Variants in FHAD1 observed in about 807,000 individuals in gnomAD.
FHAD1 encodes the protein forkhead-associated domain-containing protein 1.
In FHAD1, 146 loss-of-function variants were observed where a neutral mutation model predicts 191.3. That is an observed-to-expected ratio of 0.76 (90% CI 0.67 to 0.88). FHAD1 has a LOEUF of 0.88. Ranked by LOEUF, FHAD1 falls within the 40% of genes least tolerant of loss-of-function variation. The pLI, the probability that FHAD1 is intolerant of heterozygous loss-of-function variation, is 0.00. For missense variants in FHAD1, 1,635 were observed against 1,785.8 expected (o/e 0.92, Z 1.52); for synonymous variants, 616 against 672.3 (o/e 0.92, Z 1.29).
intron 26 of FHAD1, among the ~76,000 whole-genome samples, chr1:15,370,573 G>A (rs138407354): frequency 2.6e-5 from 4 of 152,280 alleles, no homozygotes; most frequent in East Asian, 3.9e-4. Context: ...GAAGAGCCAC[G>A]TAGTGAGTGC....
downstream of FHAD1, among the ~76,000 whole-genome samples, chr1:15,402,223 A>G (rs1389560834): frequency 1.3e-5 from 2 of 152,212 alleles, no homozygotes; most frequent in South Asian, 4.1e-4. Context: ...GTTAGACCTC[A>G]TGGCCTTGAC....
chr1:15,354,397 A>T (rs1691988266), intron 20 of FHAD1, among the ~76,000 whole-genome samples: 1 of 152,222 alleles, frequency 6.6e-6, no homozygotes, highest in South Asian at 2.1e-4. Flanking sequence ...GGCCTTGAGT[A>T]ACTGGCATGT....
At chr1:15,389,447 CAAAA>C (rs570569622) in intron 32 of FHAD1, among the ~76,000 whole-genome samples, 30 of 54,228 alleles carry the variant, frequency 5.5e-4, no homozygotes, top group Non-Finnish European at 7.9e-4. Flanking sequence ...GAACCTGTCT[CAAAA>C]AAAAAAAAAA....
chr1:15,290,556 T>C (rs1375142264), intron 4 of FHAD1, among the ~76,000 whole-genome samples: 1 of 152,172 alleles, frequency 6.6e-6, no homozygotes, highest in Non-Finnish European at 1.5e-5. Flanking sequence ...TACTGTGACA[T>C]ACGCAAGCTG....
chr1:15,313,080 G>T lies in FHAD1; in HGVS notation c.1063G>T (p.Asp355Tyr). The stretch of plus-strand genomic sequence containing the variant: ...AGGGATGGTGTCATCTTTGCAAAAA[G>T]ACATATTAGCAAAGGATGAGCAAGT... ...TSGMVSSLQK[D>Y]ILAKDEQVQQ... is the part of the protein sequence containing the mutation. The change falls in exon 8 of 34, where the codon GAC (aspartate) becomes TAC (tyrosine). Residue 355 changes from aspartate (D) to tyrosine (Y), a missense_variant. Asp to Tyr is a radical substitution (Grantham distance 160). Coordinates refer to ENST00000688493, the MANE Select transcript of FHAD1 (RefSeq NM_001391957.1). The T allele has an allele frequency of 6.4e-7, 1 of 1,551,740 alleles. No individual in the cohort carries two copies. Among genetic ancestry groups the T allele is most frequent in the Non-Finnish European group, 8.7e-7 (1 of 1,146,996 alleles).
chr1:15,374,692 T>C, intron 27 of FHAD1, 61 bp downstream of exon 27: 1 of 1,535,858 alleles, frequency 6.5e-7, no homozygotes, highest in Non-Finnish European at 8.8e-7. Flanking sequence ...CTTTGGGGAC[T>C]GACCAGTTTG....
At chr1:15,395,411 T>C (rs1305043403) in intron 33 of FHAD1, among the ~76,000 whole-genome samples, 1 of 152,132 alleles carries the variant, frequency 6.6e-6, no homozygotes, top group African/African-American at 2.4e-5. Flanking sequence ...TCCATGTCAT[T>C]TCTGCCCCTC....
chr1:15,349,068 A>G lies in FHAD1; in HGVS notation c.2373A>G (p.Glu791=). ...TTTTGGAGAGCAGCATAGCCCATGAAAAAAGAAAAGCAAAGGAAGCCTTGG... is the reference window on the plus strand; with the variant it reads ...TTTTGGAGAGCAGCATAGCCCATGAGAAAAGAAAAGCAAAGGAAGCCTTGG... ...KEVLESSIAH[E]KRKAKEALES... The change falls in exon 19 of 34, where the codon GAA becomes GAG. Residue 791 remains glutamate (E), a synonymous_variant. Coordinates refer to ENST00000688493, the MANE Select transcript of FHAD1 (RefSeq NM_001391957.1). 1 of 1,551,774 alleles carries G rather than the reference A, an allele frequency of 6.4e-7. No individual in the cohort carries two copies. The highest frequency in any genetic ancestry group is 8.7e-7 in the Non-Finnish European group (1 of 1,147,014).
chr1:15,284,620 T>G (rs1459938753), intron 3 of FHAD1, among the ~76,000 whole-genome samples: 1 of 152,164 alleles, frequency 6.6e-6, no homozygotes, highest in East Asian at 1.9e-4. Context: ...CAAACTCCCT[T>G]GGCGTTTTAG....
intron 19 of FHAD1, among the ~76,000 whole-genome samples, chr1:15,351,914 C>T (rs1042422547): frequency 1.3e-5 from 2 of 152,130 alleles, no homozygotes; most frequent in African/African-American, 4.8e-5. Flanking sequence ...ACATTGGGAA[C>T]ATTGTCTTTC....
At chr1:15,347,396 C>A in intron 18 of FHAD1, among the ~76,000 whole-genome samples, 1 of 152,266 alleles carries the variant, frequency 6.6e-6, no homozygotes, top group South Asian at 2.1e-4. Flanking sequence ...CAGAACTTCT[C>A]TGTGGCTTCC....
chr1:15,308,619 G>A lies in FHAD1; in HGVS notation c.922G>A (p.Ala308Thr). The A allele has an allele frequency of 6.4e-7, 1 of 1,551,700 alleles. No homozygotes were observed. ...EIQSLKSQIS[A>T]LQKGYSKVLC... Reference sequence around the variant, plus strand: ...GTGCCACCTCCTCCCACAGATCAGTGCCCTACAGAAAGGCTACAGCAAGGT... The same window carrying A: ...GTGCCACCTCCTCCCACAGATCAGTACCCTACAGAAAGGCTACAGCAAGGT... The change falls in exon 7 of 34, where the codon GCC becomes ACC. Residue 308 changes from alanine to threonine, a missense_variant. By Grantham distance (58) the Ala-to-Thr change is moderately conservative (BLOSUM62 0). Coordinates refer to ENST00000688493, the MANE Select transcript of FHAD1 (RefSeq NM_001391957.1).
Position 15,313,110 on chromosome 1 carries a change from C to T in FHAD1, c.1093C>T (p.Gln365Ter), listed in dbSNP as rs1672790477. 2 of 1,551,666 alleles carry T rather than the reference C, an allele frequency of 1.3e-6. No homozygotes were observed. The highest frequency in any genetic ancestry group is 2.7e-5 in the African/African-American group (2 of 73,036). ...DILAKDEQVQ[Q>*]LKEEVSHLKS... ...ATTAGCAAAGGATGAGCAAGTTCAA[C>T]AACTAAAGGAAGAGGTCAGTCACCT... Residue 365 changes from glutamine (Q) to a stop codon, truncating the protein, a stop_gained, in exon 8 of 34, where the codon CAA (glutamine) becomes TAA (stop). Coordinates refer to ENST00000688493, the MANE Select transcript of FHAD1 (RefSeq NM_001391957.1). LOFTEE classifies it high-confidence loss of function.
downstream of FHAD1, among the ~76,000 whole-genome samples, chr1:15,401,052 T>C (rs1707113533): frequency 6.6e-6 from 1 of 152,222 alleles, no homozygotes; most frequent in Admixed American, 6.5e-5. Context: ...GTTCCCTTCC[T>C]TGTGAAGGCC....
rs548449448 is a variant in FHAD1 at position 15,368,967 on chromosome 1, C to G, written c.3315-403C>G. On this transcript the variant is annotated intron_variant, in intron 25 of 33. Transcript: ENST00000688493. ...TAAAAAAAAAAATAGCCAGACCATC[C>G]ACTTACAAGAAAGGTGACTGCAGGC... Among the ~76,000 whole-genome samples, 57 of 152,142 alleles carry G rather than the reference C, an allele frequency of 3.7e-4. 1 individual carries two copies. Among genetic ancestry groups the G allele is most frequent in the Admixed American group, 2.0e-4 (3 of 15,288 alleles).
At chr1:15,351,060 T>A (rs1396749353) in intron 19 of FHAD1, among the ~76,000 whole-genome samples, 3 of 152,164 alleles carry the variant, frequency 2.0e-5, no homozygotes, top group East Asian at 1.9e-4. Flanking sequence ...TATAAACACA[T>A]CTTGCTGGGT....
chr1:15,367,369 G>A lies in FHAD1; in HGVS notation c.3155-94G>A, dbSNP rs1696802748. ...AAATTAGCCAGTCGTGGTGGCGCAT[G>A]CCCGTAATCCCACGTACACAAGAGG... is the stretch of plus-strand genomic sequence containing the variant. On this transcript the variant is annotated intron_variant, in intron 24 of 33. Transcript: ENST00000688493. The A allele has an allele frequency of 8.0e-6, 11 of 1,375,278 alleles. No individual in the cohort carries two copies. In the Admixed American group the frequency reaches 1.3e-4, roughly 17 times the overall value. 85.2% of individuals were successfully genotyped at this position (1,375,278 alleles called of 1,614,324 possible). A position where few individuals can be genotyped will look rare whatever the true frequency, so the allele number is the denominator to read the frequency against.
downstream of FHAD1, among the ~76,000 whole-genome samples, chr1:15,401,097 C>T (rs376535054): frequency 6.6e-6 from 1 of 152,142 alleles, no homozygotes; most frequent in South Asian, 2.1e-4. Flanking sequence ...CCACTAGGAC[C>T]CTTTGTATCA....
At chr1:15,272,272 C>T in intron 2 of FHAD1, 51 bp from the exon 3 acceptor site, 1 of 1,492,480 alleles carries the variant, frequency 6.7e-7, no homozygotes, top group Non-Finnish European at 9.1e-7. Flanking sequence ...ACATTAGGGG[C>T]CGTGTCATTT....
Sources: allele counts gnomAD v4.1 joint callset (sites outside exome capture counted in the v4.1 genomes callset), GRCh38; gene constraint gnomAD v4.1.1; transcripts MANE v1.5; gene names NCBI Gene and HGNC (gene_info 2026-07-23, HGNC 2026-07-21).